Variants in ZNF713 observed in about 807,000 individuals in gnomAD.
ZNF713 encodes zinc finger protein 713.
ZNF713 carries 21 observed loss-of-function variants against 28.7 expected under a neutral mutation model. That is an observed-to-expected ratio of 0.73 (90% CI 0.52 to 1.05). ZNF713 has a LOEUF of 1.05. Among genes scored for constraint, ZNF713 ranks in the 50% least tolerant of loss-of-function variants. ZNF713 has a pLI of 0.00. For missense variants in ZNF713, 458 were observed against 532.4 expected (o/e 0.86, Z 1.37); for synonymous variants, 167 against 178.0 (o/e 0.94, Z 0.49).
chr7:55,905,638 A>G lies in ZNF713; in HGVS notation c.-582-615A>G, dbSNP rs564904550. Among the ~76,000 whole-genome samples the G allele has an allele frequency of 2.0e-5, 3 of 152,066 alleles. No individual in the cohort carries two copies. The South Asian group carries it at 6.3e-4, about 32-fold the overall frequency. On this transcript the variant is annotated intron_variant, in intron 1 of 6. Transcript: ENST00000429591. ...TGGGTGCAGAACATCACCCCACTGC[A>G]CCCATTGCAGGGCGCACATGTTTAG...
chr7:55,910,581 T>C (rs1785767254), intron 2 of ZNF713, among the ~76,000 whole-genome samples: 1 of 151,694 alleles, frequency 6.6e-6, no homozygotes, highest in Non-Finnish European at 1.5e-5. Flanking sequence ...CTGCAACCTC[T>C]GCCTCCCAGG....
At chr7:55,919,482 A>C (rs1785943611) in intron 4 of ZNF713, among the ~76,000 whole-genome samples, 1 of 88,038 alleles carries the variant, frequency 1.1e-5, no homozygotes, top group East Asian at 3.2e-4. Flanking sequence ...AAATTGGTAA[A>C]CACTCCAGTT....
At chr7:55,897,564 C>G (rs549221243) in intron 1 of ZNF713, among the ~76,000 whole-genome samples, 16 of 152,184 alleles carry the variant, frequency 1.1e-4, no homozygotes, top group South Asian at 1.0e-3. Context: ...TACAAGCATA[C>G]AAGCATGAGC....
chr7:55,919,806 C>T lies in ZNF713; in HGVS notation c.88-3356C>T, dbSNP rs80119705. On this transcript the variant is annotated intron_variant, in intron 4 of 6. Coordinates refer to ENST00000429591, the MANE Select transcript of ZNF713 (RefSeq NM_182633.3). ...TCTTCATCCAGATCAAGAAACAGAA[C>T]ATTACCAGTATCCCAGAAGATCCTT... Among the ~76,000 whole-genome samples, 1,198 of 152,146 alleles carry T rather than the reference C, an allele frequency of 7.9e-3. 16 individuals are homozygous for T. Among genetic ancestry groups the T allele is most frequent in the African/African-American group, 0.028 (1,145 of 41,520 alleles).
At chr7:55,927,189 A>G (rs1301571527) in intron 6 of ZNF713, among the ~76,000 whole-genome samples, 1 of 151,938 alleles carries the variant, frequency 6.6e-6, no homozygotes, top group African/African-American at 2.4e-5. Context: ...AGGAGTGGGA[A>G]GGGGAAATAA....
intron 1 of ZNF713, among the ~76,000 whole-genome samples, chr7:55,894,917 A>G (rs1043699940): frequency 6.6e-6 from 1 of 152,188 alleles, no homozygotes; most frequent in African/African-American, 2.4e-5. Flanking sequence ...TAATATGTGC[A>G]TGTGTATGCC....
At chr7:55,931,345 G>T (rs1195742399) in intron 6 of ZNF713, among the ~76,000 whole-genome samples, 8 of 151,932 alleles carry the variant, frequency 5.3e-5, no homozygotes, top group Admixed American at 2.0e-4. Context: ...CACTGTGTCT[G>T]ATGAACTCTG....
At chr7:55,893,534 G>T (rs1785424511) in intron 1 of ZNF713, among the ~76,000 whole-genome samples, 1 of 152,050 alleles carries the variant, frequency 6.6e-6, no homozygotes, top group South Asian at 2.1e-4. Flanking sequence ...AATATTTTTA[G>T]GTTTTATGAC....
intron 4 of ZNF713, among the ~76,000 whole-genome samples, chr7:55,913,243 C>T (rs1020372813): frequency 7.0e-6 from 1 of 142,930 alleles, no homozygotes; most frequent in Admixed American, 7.2e-5. Flanking sequence ...GCTCTGTTGC[C>T]CAGGCTGGAG....
intron 4 of ZNF713, among the ~76,000 whole-genome samples, chr7:55,922,387 A>G (rs751569028): frequency 5.3e-5 from 8 of 152,018 alleles, no homozygotes; most frequent in Non-Finnish European, 8.8e-5. Context: ...CACCAAAAAT[A>G]TATAGCTGGG....
At chr7:55,923,966 A>C in intron 6 of ZNF713, 1 of 246,928 alleles carries the variant, frequency 4.0e-6, no homozygotes, top group Non-Finnish European at 8.0e-6. Flanking sequence ...ACCCATAAAT[A>C]TCTTGATATT....
intron 1 of ZNF713, among the ~76,000 whole-genome samples, chr7:55,894,204 G>A (rs1307634612): frequency 2.0e-5 from 3 of 152,172 alleles, no homozygotes; most frequent in Non-Finnish European, 4.4e-5. Context: ...GGCAAACAAA[G>A]ACACTCTTAA....
rs1254519437 is a variant in ZNF713, at chr7:55,940,723, A to G, written c.*717A>G. ...GCCACTGTACTCCAGCCTGGGCAACAGAGCAAGACTCTGTCTCAAAAAAAA... is the reference window on the plus strand; with the variant it reads ...GCCACTGTACTCCAGCCTGGGCAACGGAGCAAGACTCTGTCTCAAAAAAAA... On this transcript the variant is annotated 3_prime_UTR_variant, in exon 7 of 7. Coordinates refer to ENST00000429591, the MANE Select transcript of ZNF713 (RefSeq NM_182633.3). 1.0e-5 allele frequency: 2 copies of G among 197,204 alleles called. No homozygotes were observed. Among genetic ancestry groups the G allele is most frequent in the Non-Finnish European group, 8.9e-6 (1 of 112,220 alleles). 12.2% of individuals were successfully genotyped at this position (197,204 alleles called of 1,614,324 possible).
chr7:55,939,316 C>G lies in ZNF713; in HGVS notation c.642C>G (p.Asn214Lys). ...KIPLNSDTQGNSIKHNSDLIY... is the reference protein window; with the variant it reads ...KIPLNSDTQGKSIKHNSDLIY... ...CCCTGAATTCTGACACACAGGGAAA[C>G]AGCATCAAACATAATTCAGACTTGA... Residue 214 changes from asparagine (N) to lysine (K), a missense_variant, in exon 7 of 7, where the codon AAC becomes AAG. By Grantham distance (94) the Asn-to-Lys change is moderately conservative (BLOSUM62 0). Transcript: ENST00000429591. 2 of 1,614,054 alleles carry G rather than the reference C, an allele frequency of 1.2e-6. No homozygotes were observed.
chr7:55,939,695 C>G lies in ZNF713; in HGVS notation c.1021C>G (p.Pro341Ala). The change falls in exon 7 of 7, where the codon CCC becomes GCC. Residue 341 changes from proline to alanine, a missense_variant. Transcript: ENST00000429591. The stretch of plus-strand genomic sequence containing the variant: ...TCTGAGGATTCATACTGGAGAAAAG[C>G]CCTATAAATGTAATCAATGTGGTAA... Reference protein sequence around the residue: ...QHLRIHTGEKPYKCNQCGKAF... With the variant: ...QHLRIHTGEKAYKCNQCGKAF... The G allele has an allele frequency of 6.2e-7, 1 of 1,614,140 alleles. No individual in the cohort carries two copies. Among genetic ancestry groups the G allele is most frequent in the Non-Finnish European group, 8.5e-7 (1 of 1,180,034 alleles).
intron 3 of ZNF713, 33 bp from the exon 4 acceptor site, chr7:55,912,602 C>A: frequency 6.8e-7 from 1 of 1,480,998 alleles, no homozygotes; most frequent in South Asian, 1.2e-5. Flanking sequence ...ACCTTCGTGT[C>A]ATATATTAAC....
At chr7:55,921,920 TTTTGTTTG>T (rs961369512) in intron 4 of ZNF713, among the ~76,000 whole-genome samples, 3 of 152,118 alleles carry the variant, frequency 2.0e-5, no homozygotes, top group South Asian at 2.1e-4. Flanking sequence ...TATTGCTGTC[TTTTGTTTG>T]TTTGTTTGTT....
chr7:55,892,590 A>G (rs552183105), intron 1 of ZNF713, among the ~76,000 whole-genome samples: 9 of 149,334 alleles, frequency 6.0e-5, no homozygotes, highest in Admixed American at 4.7e-4. Context: ...AAAGCAGAAT[A>G]GGCTGGGCGC....
At chr7:55,920,784 ATT>A (rs1785977778) in intron 4 of ZNF713, among the ~76,000 whole-genome samples, 1 of 143,510 alleles carries the variant, frequency 7.0e-6, no homozygotes, top group African/African-American at 2.5e-5. Flanking sequence ...TTATTTATTT[ATT>A]TATTTATTTT....
Sources: allele counts gnomAD v4.1 joint callset (sites outside exome capture counted in the v4.1 genomes callset), GRCh38; gene constraint gnomAD v4.1.1; transcripts MANE v1.5; gene names NCBI Gene and HGNC (gene_info 2026-07-23, HGNC 2026-07-21).